Variants in ERBB4 observed in about 807,000 individuals in gnomAD.
ERBB4 encodes the protein receptor tyrosine-protein kinase erbB-4.
Under a neutral mutation model 158.0 loss-of-function variants are expected in ERBB4, and 42 were observed. The observed-to-expected ratio is 0.27, with a 90% CI of 0.21 to 0.34. ERBB4 has a LOEUF of 0.34. Among genes scored for constraint, ERBB4 ranks in the 10% least tolerant of loss-of-function variants. The pLI is 1.00. For synonymous variants in ERBB4, 583 were observed against 558.7 expected, an observed-to-expected ratio of 1.04 and a Z score of -0.61; for missense variants, 1,333 against 1,624.1, an observed-to-expected ratio of 0.82 and a Z score of 3.08.
chr2:211,398,626 A>G (rs1356696681), intron 25 of ERBB4, among the ~76,000 whole-genome samples: 1 of 152,098 alleles, frequency 6.6e-6, no homozygotes, highest in Non-Finnish European at 1.5e-5. Context: ...GCAGATCACA[A>G]GGTCAGGAGT....
chr2:211,566,326 A>T (rs985574303), intron 19 of ERBB4, among the ~76,000 whole-genome samples: 1 of 152,220 alleles, frequency 6.6e-6, no homozygotes, highest in African/African-American at 2.4e-5. Flanking sequence ...CGATCACTGT[A>T]CAGGGAGACT....
chr2:212,437,844 T>C (rs1240753048), intron 1 of ERBB4, among the ~76,000 whole-genome samples: 1 of 152,060 alleles, frequency 6.6e-6, no homozygotes, highest in Admixed American at 6.6e-5. Flanking sequence ...CATCTTCCTT[T>C]TCATCTATCT....
chr2:211,602,255 A>C (rs140747925), intron 19 of ERBB4, among the ~76,000 whole-genome samples: 28 of 152,114 alleles, frequency 1.8e-4, no homozygotes, highest in Non-Finnish European at 3.5e-4. Context: ...CTTTGACATG[A>C]AAACCTGAGA....
intron 1 of ERBB4, among the ~76,000 whole-genome samples, chr2:212,218,811 ATG>A (rs2083190187): frequency 6.6e-6 from 1 of 151,390 alleles, no homozygotes; most frequent in South Asian, 2.1e-4. Flanking sequence ...AGTTTCATGT[ATG>A]TTTCTTAATT....
intron 2 of ERBB4, among the ~76,000 whole-genome samples, chr2:212,083,194 A>G (rs944528894): frequency 2.6e-5 from 4 of 152,024 alleles, no homozygotes. Flanking sequence ...TTACAAAATT[A>G]ATGGATAAAG....
chr2:212,019,392 C>CA (rs889325933), intron 2 of ERBB4, among the ~76,000 whole-genome samples: 1 of 151,958 alleles, frequency 6.6e-6, no homozygotes, highest in South Asian at 2.1e-4. Context: ...AGGTTATCTA[C>CA]AAAAATGCAA....
chr2:212,465,294 G>C (rs1193024669), intron 1 of ERBB4, among the ~76,000 whole-genome samples: 1 of 152,012 alleles, frequency 6.6e-6, no homozygotes, highest in East Asian at 1.9e-4. Context: ...AATTGCTAAA[G>C]TTAAGCCCTG....
intron 19 of ERBB4, among the ~76,000 whole-genome samples, chr2:211,581,954 G>A (rs559269241): frequency 6.6e-6 from 1 of 152,130 alleles, no homozygotes; most frequent in South Asian, 2.1e-4. Context: ...AGGTTGCAGT[G>A]AGCCAAGATC....
At chr2:211,971,312 C>A (rs1046945543) in intron 2 of ERBB4, among the ~76,000 whole-genome samples, 2 of 152,070 alleles carry the variant, frequency 1.3e-5, no homozygotes, top group African/African-American at 2.4e-5. Context: ...ACTAGAAAAT[C>A]TAGAGAAATG....
intron 20 of ERBB4, among the ~76,000 whole-genome samples, chr2:211,543,553 G>A (rs1484096177): frequency 6.6e-6 from 1 of 151,922 alleles, no homozygotes; most frequent in African/African-American, 2.4e-5. Context: ...CTTCAAATGT[G>A]TAGGTGTCCC....
At chr2:212,228,798 C>T (rs992885928) in intron 1 of ERBB4, among the ~76,000 whole-genome samples, 1 of 152,194 alleles carries the variant, frequency 6.6e-6, no homozygotes, top group African/African-American at 2.4e-5. Flanking sequence ...ATGATATATG[C>T]AATGGCAAAC....
chr2:212,506,334 T>A (rs1430900450), intron 1 of ERBB4, among the ~76,000 whole-genome samples: 1 of 148,684 alleles, frequency 6.7e-6, no homozygotes, highest in Non-Finnish European at 1.5e-5. Flanking sequence ...TCTTTAAGTG[T>A]TCAAGTAAAA....
intron 1 of ERBB4, among the ~76,000 whole-genome samples, chr2:212,474,098 G>C (rs935399387): frequency 5.9e-5 from 9 of 151,996 alleles, no homozygotes; most frequent in African/African-American, 2.2e-4. Flanking sequence ...TTTTGTAGAT[G>C]ACACTATTTC....
chr2:212,140,052 T>A (rs943979728), intron 1 of ERBB4, among the ~76,000 whole-genome samples: 1 of 151,846 alleles, frequency 6.6e-6, no homozygotes, highest in Admixed American at 6.6e-5. Context: ...CACCTGATTA[T>A]AACTTGTAAA....
intron 16 of ERBB4, among the ~76,000 whole-genome samples, chr2:211,656,774 G>A (rs1020977232): frequency 6.6e-6 from 1 of 152,100 alleles, no homozygotes; most frequent in African/African-American, 2.4e-5. Context: ...ATATATTTGA[G>A]ATCCATCCAT....
At chr2:212,000,642 C>T (rs905469368) in intron 2 of ERBB4, among the ~76,000 whole-genome samples, 2 of 151,686 alleles carry the variant, frequency 1.3e-5, no homozygotes, top group Admixed American at 1.3e-4. Flanking sequence ...GTGAAAAATT[C>T]TCCTATAGCT....
intron 3 of ERBB4, among the ~76,000 whole-genome samples, chr2:211,883,475 A>C (rs1301374810): frequency 6.6e-6 from 1 of 152,106 alleles, no homozygotes; most frequent in Non-Finnish European, 1.5e-5. Flanking sequence ...AAATAAAATT[A>C]AAACAAAATA....
intron 2 of ERBB4, among the ~76,000 whole-genome samples, chr2:212,030,237 A>G (rs970428579): frequency 1.3e-5 from 2 of 151,990 alleles, no homozygotes; most frequent in East Asian, 1.9e-4. Flanking sequence ...AGCCTCATAT[A>G]TCTCCCTTTC....
intron 1 of ERBB4, among the ~76,000 whole-genome samples, chr2:212,191,295 G>A (rs901823213): frequency 3.3e-5 from 5 of 151,584 alleles, no homozygotes; most frequent in Admixed American, 2.0e-4. Flanking sequence ...ATTGGCCTGG[G>A]GACTACACTT....
Sources: gnomAD v4.1 joint callset for allele counts (sites outside exome capture counted in the v4.1 genomes callset) on GRCh38, gnomAD v4.1.1 for gene constraint, MANE v1.5 for transcripts, NCBI Gene and HGNC (gene_info 2026-07-23, HGNC 2026-07-21) for gene names.